CCDC7: variants seen among roughly 807,000 people sequenced by gnomAD.
The protein encoded by CCDC7 is coiled-coil domain-containing protein 7.
In CCDC7, 183 loss-of-function variants were observed where a neutral mutation model predicts 196.9. The observed-to-expected ratio is 0.93, with a 90% confidence interval of 0.82 to 1.05. The LOEUF is 1.05. CCDC7 is among the 50% of genes least tolerant of loss of function. The probability of loss-of-function intolerance (pLI) is 0.00; values close to 1 mark genes in which losing one functional copy is unlikely to be tolerated. For missense variants in CCDC7, 1,540 were observed against 1,482.2 expected, an observed-to-expected ratio of 1.04 and a Z score of -0.64; for synonymous variants, 525 against 484.6, an observed-to-expected ratio of 1.08 and a Z score of -1.10.
chr10:32,463,418 T>C (rs2036147391), intron 5 of CCDC7, among the ~76,000 whole-genome samples: 1 of 152,222 alleles, frequency 6.6e-6, no homozygotes, highest in Non-Finnish European at 1.5e-5. Context: ...TATGTATGTG[T>C]AGACATAAAA....
intron 20 of CCDC7, among the ~76,000 whole-genome samples, chr10:32,641,980 A>G (rs1317704549): frequency 5.9e-5 from 9 of 152,172 alleles, no homozygotes; most frequent in Non-Finnish European, 1.5e-5. Context: ...ATTGGTGAAC[A>G]GCAAATGTTG....
At chr10:32,805,691 A>G (rs2085680875) in intron 30 of CCDC7, among the ~76,000 whole-genome samples, 1 of 152,198 alleles carries the variant, frequency 6.6e-6, no homozygotes, top group African/African-American at 2.4e-5. Context: ...ATTAAGTAAA[A>G]GACATACTCA....
At position 32,798,694 on chromosome 10, in the gene CCDC7, T is replaced by A. The variant is rs140001993; in HGVS notation, c.3014-6321T>A. ...CCATGAATCAGCATATAATTGCACA[T>A]CTGGCCATTTCTCCTTCCATGCAGA... On this transcript the variant is annotated intron_variant, in intron 29 of 41. Transcript: ENST00000639629. 2.6e-3 allele frequency among the ~76,000 whole-genome samples: 392 copies of A among 152,326 alleles called. 1 individual carries two copies. Among genetic ancestry groups the A allele is most frequent in the Admixed American group, 4.3e-3 (66 of 15,304 alleles).
intron 29 of CCDC7, among the ~76,000 whole-genome samples, chr10:32,802,762 A>G (rs116961760): frequency 6.6e-6 from 1 of 151,996 alleles, no homozygotes; most frequent in Admixed American, 6.6e-5. Flanking sequence ...TAGGTCCAAG[A>G]GTCCAAAAGC....
intron 13 of CCDC7, among the ~76,000 whole-genome samples, chr10:32,548,243 C>T (rs190154184): frequency 9.7e-4 from 147 of 152,146 alleles, no homozygotes; most frequent in African/African-American, 3.1e-3. Flanking sequence ...AGGGTTGGAC[C>T]GCACAGTCTA....
chr10:32,665,422 T>C (rs184066027), intron 21 of CCDC7, among the ~76,000 whole-genome samples: 2 of 152,184 alleles, frequency 1.3e-5, no homozygotes, highest in East Asian at 3.9e-4. Context: ...TATTTTCTTC[T>C]AGCAATTCTA....
chr10:32,471,251 A>G (rs1395997594), intron 6 of CCDC7, 21 bp downstream of exon 7: 1 of 1,598,048 alleles, frequency 6.3e-7, no homozygotes, highest in African/African-American at 1.4e-5. Context: ...TATAAGAACT[A>G]ATTGAATTAA....
chr10:32,473,856 G>C, intron 7 of CCDC7, 111 bp from the exon 9 acceptor site: 1 of 1,041,938 alleles, frequency 9.6e-7, no homozygotes, highest in Non-Finnish European at 1.3e-6. Context: ...TTTTTTCAAA[G>C]TTTTCTTTCT....
intron 29 of CCDC7, among the ~76,000 whole-genome samples, chr10:32,779,693 A>T (rs2080731902): frequency 1.3e-5 from 2 of 152,204 alleles, no homozygotes; most frequent in Non-Finnish European, 2.9e-5. Flanking sequence ...GCAAACTGAA[A>T]ACATCCAAAC....
intron 8 of CCDC7, among the ~76,000 whole-genome samples, chr10:32,478,963 T>A (rs960452006): frequency 5.3e-5 from 8 of 152,148 alleles, no homozygotes; most frequent in Non-Finnish European, 7.4e-5. Flanking sequence ...GGTTATTAAT[T>A]ATTGATTCAA....
At chr10:32,705,307 TC>T (rs1363099118) in intron 24 of CCDC7, among the ~76,000 whole-genome samples, 2 of 151,908 alleles carry the variant, frequency 1.3e-5, no homozygotes, top group Non-Finnish European at 2.9e-5. Flanking sequence ...TTACAAAAGC[TC>T]CTGAAGGAAG....
At chr10:32,771,629 C>T (rs894087087) in intron 28 of CCDC7, among the ~76,000 whole-genome samples, 8 of 152,206 alleles carry the variant, frequency 5.3e-5, no homozygotes, top group African/African-American at 1.7e-4. Context: ...GGTGATATGA[C>T]CTGTCCTCAA....
At chr10:32,553,568 G>C (rs944839159) in intron 13 of CCDC7, among the ~76,000 whole-genome samples, 21 of 152,122 alleles carry the variant, frequency 1.4e-4, no homozygotes, top group African/African-American at 4.1e-4. Context: ...AAGGTCTAGG[G>C]CTGAAGGCTG....
chr10:32,661,442 A>T (rs368688585), intron 20 of CCDC7, among the ~76,000 whole-genome samples: 11 of 152,240 alleles, frequency 7.2e-5, no homozygotes, highest in African/African-American at 2.6e-4. Context: ...TCTTAAGCAG[A>T]GGGAGTTTCT....
At chr10:32,803,921 A>G (rs1447669498) in intron 29 of CCDC7, among the ~76,000 whole-genome samples, 1 of 152,116 alleles carries the variant, frequency 6.6e-6, no homozygotes, top group Non-Finnish European at 1.5e-5. Context: ...CACCATTGAA[A>G]CTACCATTTA....
intron 20 of CCDC7, among the ~76,000 whole-genome samples, chr10:32,653,950 A>T (rs1243738245): frequency 6.6e-6 from 1 of 152,114 alleles, no homozygotes; most frequent in Non-Finnish European, 1.5e-5. Context: ...AATGCCCATT[A>T]TGTGTATGTT....
At chr10:32,493,493 A>G (rs1199303120) in intron 9 of CCDC7, among the ~76,000 whole-genome samples, 1 of 151,782 alleles carries the variant, frequency 6.6e-6, no homozygotes, top group Non-Finnish European at 1.5e-5. Context: ...TACTGCAGTG[A>G]ACATGGGAGT....
chr10:32,676,442 A>T (rs2074987905), intron 21 of CCDC7, among the ~76,000 whole-genome samples: 1 of 150,842 alleles, frequency 6.6e-6, no homozygotes, highest in Admixed American at 6.6e-5. Flanking sequence ...AACCTACAAA[A>T]TGGGAGAAAA....
intron 28 of CCDC7, among the ~76,000 whole-genome samples, chr10:32,757,836 A>C (rs1471898753): frequency 6.6e-6 from 1 of 152,228 alleles, no homozygotes; most frequent in African/African-American, 2.4e-5. Context: ...GAAAAGATCA[A>C]CAAAATTGAT....
Sources: gnomAD v4.1 joint callset for allele counts (sites outside exome capture counted in the v4.1 genomes callset) on GRCh38, gnomAD v4.1.1 for gene constraint, MANE v1.5 for transcripts, NCBI Gene and HGNC (gene_info 2026-07-23, HGNC 2026-07-21) for gene names.